The following PPARGC1B variants were observed in gnomAD, a reference collection of about 807,000 sequenced individuals.
The protein encoded by PPARGC1B is peroxisome proliferator-activated receptor gamma coactivator 1-beta.
PPARGC1B carries 34 observed loss-of-function variants against 101.6 expected under a neutral mutation model. The ratio of observed to expected loss-of-function variants is 0.33; its 90% CI spans 0.25 to 0.45. PPARGC1B has a LOEUF of 0.45. Ranked by LOEUF, PPARGC1B falls within the 20% of genes least tolerant of loss-of-function variation. The probability of loss-of-function intolerance (pLI) is 1.00; values close to 1 mark genes in which losing one functional copy is unlikely to be tolerated. For synonymous variants in PPARGC1B, 548 were observed against 539.3 expected, an observed-to-expected ratio of 1.02 and a Z score of -0.22; for missense variants, 1,234 against 1,317.6, an observed-to-expected ratio of 0.94 and a Z score of 0.98.
At chr5:149,741,932 G>A (rs946836298) in intron 1 of PPARGC1B, among the ~76,000 whole-genome samples, 1 of 152,086 alleles carries the variant, frequency 6.6e-6, no homozygotes, top group Admixed American at 6.6e-5. Context: ...GCCTGGCATA[G>A]CCACATAATA....
chr5:149,835,482 T>G, intron 7 of PPARGC1B, 117 bp downstream of exon 7: 1 of 866,754 alleles, frequency 1.2e-6, no homozygotes, highest in South Asian at 1.5e-5. Flanking sequence ...GATGCCTGCC[T>G]TCACGGGGCT....
chr5:149,737,520 C>G (rs1436511650), intron 1 of PPARGC1B, among the ~76,000 whole-genome samples: 1 of 152,242 alleles, frequency 6.6e-6, no homozygotes, highest in Non-Finnish European at 1.5e-5. Context: ...TCCCTCACCT[C>G]CAAGCCAGCT....
In PPARGC1B at chr5:149,777,646, G is replaced by A. The variant is rs570011124; in HGVS notation, c.79-42787G>A. ...GACTGGGTCTCCTAAGGAAACTGCCGGGCAGCCGGCCCCTCCCCCAGCATC... is the reference window on the plus strand; with the variant it reads ...GACTGGGTCTCCTAAGGAAACTGCCAGGCAGCCGGCCCCTCCCCCAGCATC... On this transcript the variant is annotated intron_variant, in intron 1 of 11. Transcript: ENST00000309241. Among the ~76,000 whole-genome samples the A allele has an allele frequency of 4.8e-4, 73 of 152,072 alleles. 1 individual carries two copies. The highest frequency in any genetic ancestry group is 9.3e-4 in the Non-Finnish European group (63 of 68,010).
intron 1 of PPARGC1B, among the ~76,000 whole-genome samples, chr5:149,805,080 C>T (rs1039614111): frequency 2.6e-5 from 4 of 152,288 alleles, no homozygotes; most frequent in South Asian, 2.1e-4. Flanking sequence ...CTTCCTCCTT[C>T]GTGATGTTGC....
At position 149,832,602 on chromosome 5, in the gene PPARGC1B, C is replaced by A; in HGVS notation, c.583-54C>A. ...AGCCAGTGACCATGCGGATGAGACACATGGGAGGAGTGTTTGGGCCTCCTT... is the reference window on the plus strand; with the variant it reads ...AGCCAGTGACCATGCGGATGAGACAAATGGGAGGAGTGTTTGGGCCTCCTT... On this transcript the variant is annotated intron_variant, in intron 4 of 11. Coordinates refer to ENST00000309241, the MANE Select transcript of PPARGC1B (RefSeq NM_133263.4). The surrounding 1 kb of genome is among the most constrained non-coding windows in gnomAD (Gnocchi z 4.9). 2 of 1,401,042 alleles carry A rather than the reference C, an allele frequency of 1.4e-6. No homozygotes were observed. The highest frequency in any genetic ancestry group is 1.9e-6 in the Non-Finnish European group (2 of 1,033,032). The allele number at this position is 1,401,042 out of a possible 1,614,324, so 86.8% of individuals were successfully genotyped here. A position where few individuals can be genotyped will look rare whatever the true frequency, so the allele number is the denominator to read the frequency against.
Position 149,833,861 on chromosome 5 carries a change from G to T in PPARGC1B, c.1705+83G>T. On this transcript the variant is annotated intron_variant, in intron 5 of 11. Transcript: ENST00000309241. This position sits in a 1 kb window ranked among gnomAD's most constrained non-coding sequence, Gnocchi z 4.1. ...CTGCACTGGGAGCCAGGAGCCCTGT[G>T]TTCAAGTCCCCGTCCCCCAACAAAG... 1 of 1,419,864 alleles carries T rather than the reference G, an allele frequency of 7.0e-7. No individual in the cohort carries two copies. Among genetic ancestry groups the T allele is most frequent in the Non-Finnish European group, 9.2e-7 (1 of 1,091,868 alleles). 88.0% of individuals were successfully genotyped at this position (1,419,864 alleles called of 1,614,324 possible).
At chr5:149,856,771 C>CTTT (rs562000427), downstream of PPARGC1B, among the ~76,000 whole-genome samples, 14 of 129,108 alleles carry the variant, frequency 1.1e-4, no homozygotes, top group South Asian at 2.6e-4. Flanking sequence ...AGCTGCTTGG[C>CTTT]TTTTTTTTTT....
chr5:149,832,842 C>A lies in PPARGC1B; in HGVS notation c.769C>A (p.Pro257Thr). The change falls in exon 5 of 12, where the codon CCC becomes ACC. Residue 257 changes from proline (P) to threonine (T), a missense_variant. By Grantham distance (38) the Pro-to-Thr change is conservative. This residue lies in a region of PPARGC1B where 734 missense variants were observed against 768.4 expected (regional missense o/e 0.96). Transcript: ENST00000309241. This position sits in a 1 kb window ranked among gnomAD's most constrained non-coding sequence, Gnocchi z 4.9. The stretch of plus-strand genomic sequence containing the variant: ...GGAGCCGGGTGAGGACTGCCCGAGC[C>A]CCCAGCCAGCTCCAGCCTCTCCCCG... ...DKEPGEDCPSPQPAPASPRDS... is the reference protein window; with the variant it reads ...DKEPGEDCPSTQPAPASPRDS... The A allele has an allele frequency of 1.2e-6, 2 of 1,610,196 alleles. No homozygotes were observed. The highest frequency in any genetic ancestry group is 2.2e-5 in the East Asian group (1 of 44,792).
At chr5:149,761,942 C>T (rs1298864551) in intron 1 of PPARGC1B, among the ~76,000 whole-genome samples, 1 of 152,116 alleles carries the variant, frequency 6.6e-6, no homozygotes, top group African/African-American at 2.4e-5. Flanking sequence ...GACAGAGTGC[C>T]TGTCACCATG....
At chr5:149,810,373 A>G (rs1428341301) in intron 1 of PPARGC1B, among the ~76,000 whole-genome samples, 1 of 152,154 alleles carries the variant, frequency 6.6e-6, no homozygotes, top group Non-Finnish European at 1.5e-5. Context: ...CACCCTCCTG[A>G]CAGGTGCCAG....
At position 149,836,871 on chromosome 5, in the gene PPARGC1B, C is replaced by T; in HGVS notation, c.2416C>T (p.Pro806Ser). Reference sequence around the variant, plus strand: ...CAGCAGCGGCGAGAGCAGCTTCCTCCCAGAGGAGGAAGAGGAAGAAGGGGA... The same window carrying T: ...CAGCAGCGGCGAGAGCAGCTTCCTCTCAGAGGAGGAAGAGGAAGAAGGGGA... ...SSSSGESSFL[P>S]EEEEEEGEEE... is the part of the protein sequence containing the mutation. Residue 806 changes from proline (P) to serine (S), a missense_variant, in exon 8 of 12, where the codon CCA (proline) becomes TCA (serine). Coordinates refer to ENST00000309241, the MANE Select transcript of PPARGC1B (RefSeq NM_133263.4). 6.2e-7 allele frequency: 1 copy of T among 1,612,958 alleles called. No individual in the cohort carries two copies. The highest frequency in any genetic ancestry group is 8.5e-7 in the Non-Finnish European group (1 of 1,179,960).
In PPARGC1B at chr5:149,840,814, GACAA is replaced by G. The variant is rs375759943; in HGVS notation, c.2694+702_2694+705del. Among the ~76,000 whole-genome samples, 21 of 152,358 alleles carry G rather than the reference GACAA, an allele frequency of 1.4e-4. No homozygotes were observed. The East Asian group carries it at 2.7e-3, about 20-fold the overall frequency. On this transcript the variant is annotated intron_variant, in intron 9 of 11. Transcript: ENST00000309241. ...GGAAAGTAGGATGGAAACACAAAAA[GACAA>G]ACAGACTCCTGCTGAGTCTCTCCCA...
chr5:149,756,202 C>G (rs1322897161), intron 1 of PPARGC1B, among the ~76,000 whole-genome samples: 2 of 152,018 alleles, frequency 1.3e-5, no homozygotes, highest in South Asian at 2.1e-4. Context: ...AGGCTCACAC[C>G]TGTAATGCCA....
chr5:149,790,002 G>C (rs1756954115), intron 1 of PPARGC1B, among the ~76,000 whole-genome samples: 1 of 152,200 alleles, frequency 6.6e-6, no homozygotes, highest in Admixed American at 6.5e-5. Context: ...CAAACTGCCT[G>C]GGTTTGTTTC....
rs70973540 is a variant in PPARGC1B, at chr5:149,763,526, GTTTTTTTTTTTTT to G, written c.78+33118_78+33130del. On this transcript the variant is annotated intron_variant, in intron 1 of 11. Coordinates refer to ENST00000309241, the MANE Select transcript of PPARGC1B (RefSeq NM_133263.4). ...GGCCTTCAGAGGCCATTCACTCCTG[GTTTTTTTTTTTTT>G]TTTTTTTTTTTGCAGAGGTCTCACT... 3.7e-4 allele frequency among the ~76,000 whole-genome samples: 25 copies of G among 67,726 alleles called. 1 individual carries two copies. The East Asian group carries it at 0.01, about 28-fold the overall frequency. 44.4% of individuals were successfully genotyped at this position (67,726 alleles called of 152,430 possible). A position where few individuals can be genotyped will look rare whatever the true frequency, so the allele number is the denominator to read the frequency against.
chr5:149,833,056 G>T lies in PPARGC1B; in HGVS notation c.983G>T (p.Trp328Leu). ...TCCCAGCAGGTCAGATCCCGGCCCT[G>T]GTCCCGGCACCACTCCAAAGCCTCC... Reference protein sequence around the residue: ...NPSQQVRSRPWSRHHSKASWA... With the variant: ...NPSQQVRSRPLSRHHSKASWA... Residue 328 changes from tryptophan (W) to leucine (L), a missense_variant, in exon 5 of 12, where the codon TGG (tryptophan) becomes TTG (leucine). Physicochemically the swap from Trp to Leu is moderately conservative, Grantham distance 61. Transcript: ENST00000309241. The surrounding 1 kb of genome is among the most constrained non-coding windows in gnomAD (Gnocchi z 4.1). 6.2e-7 allele frequency: 1 copy of T among 1,613,792 alleles called. No homozygotes were observed. The highest frequency in any genetic ancestry group is 8.5e-7 in the Non-Finnish European group (1 of 1,180,034).
chr5:149,736,816 G>A (rs1242382084), intron 1 of PPARGC1B, among the ~76,000 whole-genome samples: 1 of 151,990 alleles, frequency 6.6e-6, no homozygotes, highest in Non-Finnish European at 1.5e-5. Flanking sequence ...TTGAAAGGAA[G>A]GTACAGAGAT....
chr5:149,773,452 G>A (rs769553620), intron 1 of PPARGC1B, among the ~76,000 whole-genome samples: 7 of 152,208 alleles, frequency 4.6e-5, no homozygotes, highest in Admixed American at 6.5e-5. Flanking sequence ...GCTCTGCCCC[G>A]TGGGCAGGAG....
At chr5:149,804,434 G>A (rs1376303477) in intron 1 of PPARGC1B, among the ~76,000 whole-genome samples, 1 of 152,214 alleles carries the variant, frequency 6.6e-6, no homozygotes, top group African/African-American at 2.4e-5. Flanking sequence ...AGCACTTTGC[G>A]AGGCTGAGGT....
Sources: allele counts gnomAD v4.1 joint callset (sites outside exome capture counted in the v4.1 genomes callset), GRCh38; gene constraint gnomAD v4.1.1; regional missense constraint gnomAD v4.1.1; non-coding constraint Gnocchi (gnomAD v3.1); transcripts MANE v1.5; gene names NCBI Gene and HGNC (gene_info 2026-07-23, HGNC 2026-07-21).